The following PDZRN4 variants were observed in gnomAD, a reference collection of about 807,000 sequenced individuals.
PDZRN4 encodes the protein PDZ domain-containing RING finger protein 4.
PDZRN4 carries 70 observed loss-of-function variants against 99.0 expected under a neutral mutation model. The ratio of observed to expected loss-of-function variants is 0.71; its 90% CI spans 0.58 to 0.86. The LOEUF is 0.86. PDZRN4 is among the 40% of genes least tolerant of loss of function. PDZRN4 has a pLI of 0.00. For synonymous variants in PDZRN4, 551 were observed against 501.6 expected (o/e 1.10, Z -1.32); for missense variants, 1,474 against 1,331.2 (o/e 1.11, Z -1.67).
At chr12:41,494,340 CTTAAG>C (rs1477624042) in intron 3 of PDZRN4, among the ~76,000 whole-genome samples, 2 of 151,952 alleles carry the variant, frequency 1.3e-5, no homozygotes, top group African/African-American at 4.8e-5. Context: ...CAGCAAGTTG[CTTAAG>C]TTATTTAGTT....
At chr12:41,351,730 C>T (rs11180843) in intron 3 of PDZRN4, among the ~76,000 whole-genome samples, 64,496 of 151,838 alleles carry the variant, frequency 0.42, 16,118 homozygotes, top group Middle Eastern at 0.66. Context: ...CAATTTGACA[C>T]GAGATTTGGG....
At chr12:41,498,250 A>G (rs1938046130) in intron 3 of PDZRN4, among the ~76,000 whole-genome samples, 1 of 152,108 alleles carries the variant, frequency 6.6e-6, no homozygotes, top group African/African-American at 2.4e-5. Flanking sequence ...ACTTCTGGAC[A>G]TTCCTGCTCA....
In PDZRN4 at chr12:41,555,698, G is replaced by A; in HGVS notation, c.1303G>A (p.Val435Ile). 6.2e-7 allele frequency: 1 copy of A among 1,613,568 alleles called. No individual in the cohort carries two copies. Among genetic ancestry groups the A allele is most frequent in the South Asian group, 1.1e-5 (1 of 91,066 alleles). ...EEDTGIYVSE[V>I]DPNSIAAKDG... Reference sequence around the variant, plus strand: ...AAGATGTATGTCCTCTTCATTACAGGTTGACCCAAATAGCATTGCTGCCAA... The same window carrying A: ...AAGATGTATGTCCTCTTCATTACAGATTGACCCAAATAGCATTGCTGCCAA... The change falls in exon 7 of 10, where the codon GTT becomes ATT. Residue 435 changes from valine (V) to isoleucine (I), a missense_variant and splice_region_variant. Transcript: ENST00000402685.
intron 3 of PDZRN4, among the ~76,000 whole-genome samples, chr12:41,253,852 A>G (rs1951187003): frequency 2.0e-5 from 3 of 152,148 alleles, no homozygotes; most frequent in Admixed American, 2.0e-4. Context: ...ATGAAACTGG[A>G]GTCCATTTGC....
chr12:41,477,882 C>G, intron 3 of PDZRN4: 1 of 1,551,096 alleles, frequency 6.4e-7, no homozygotes, highest in South Asian at 1.2e-5. Flanking sequence ...ACAATTTTTC[C>G]TTAAACCTTT....
chr12:41,259,919 A>G (rs1410475007), intron 3 of PDZRN4, among the ~76,000 whole-genome samples: 1 of 152,162 alleles, frequency 6.6e-6, no homozygotes, highest in African/African-American at 2.4e-5. Flanking sequence ...TTTTTCATCT[A>G]TATTTCTGAT....
chr12:41,196,665 A>G (rs1454755193), intron 3 of PDZRN4, among the ~76,000 whole-genome samples: 1 of 152,040 alleles, frequency 6.6e-6, no homozygotes, highest in African/African-American at 2.4e-5. Flanking sequence ...CTATGTAATC[A>G]TTAAAGTTAG....
At chr12:41,294,252 C>A (rs1052734566) in intron 3 of PDZRN4, among the ~76,000 whole-genome samples, 1 of 152,160 alleles carries the variant, frequency 6.6e-6, no homozygotes, top group African/African-American at 2.4e-5. Flanking sequence ...GCCTTTAACA[C>A]CCTCGTTGTG....
intron 3 of PDZRN4, among the ~76,000 whole-genome samples, chr12:41,436,660 A>C (rs1952632161): frequency 6.6e-6 from 1 of 152,178 alleles, no homozygotes; most frequent in Admixed American, 6.5e-5. Context: ...ATTTTCTTTT[A>C]TTATCTGCTT....
intron 5 of PDZRN4, among the ~76,000 whole-genome samples, chr12:41,515,129 G>A (rs1466790883): frequency 2.0e-5 from 3 of 152,000 alleles, no homozygotes; most frequent in Non-Finnish European, 2.9e-5. Context: ...TTCAGAGATG[G>A]CTCTGTCCAT....
intron 3 of PDZRN4, among the ~76,000 whole-genome samples, chr12:41,327,758 G>T (rs2120985618): frequency 6.6e-6 from 1 of 152,172 alleles, no homozygotes; most frequent in Non-Finnish European, 1.5e-5. Flanking sequence ...ATTTAACTGG[G>T]ATATAAAATA....
At chr12:41,568,048 T>G (rs1939408856) in intron 9 of PDZRN4, 149 bp downstream of exon 9, 1 of 591,818 alleles carries the variant, frequency 1.7e-6, no homozygotes, top group African/African-American at 1.9e-5. Context: ...TCATCTCAAA[T>G]GAAGCAGAGG....
intron 3 of PDZRN4, among the ~76,000 whole-genome samples, chr12:41,274,788 C>A (rs1188135164): frequency 1.3e-5 from 2 of 152,110 alleles, no homozygotes; most frequent in African/African-American, 4.8e-5. Flanking sequence ...GAAGTATACA[C>A]CCTTGAAATA....
intron 3 of PDZRN4, among the ~76,000 whole-genome samples, chr12:41,454,092 A>G (rs1191549992): frequency 6.6e-6 from 1 of 151,630 alleles, no homozygotes; most frequent in Non-Finnish European, 1.5e-5. Flanking sequence ...GCTCTGTGAT[A>G]GCCAATAATT....
At chr12:41,383,789 C>T (rs895072924) in intron 3 of PDZRN4, among the ~76,000 whole-genome samples, 45 of 152,168 alleles carry the variant, frequency 3.0e-4, no homozygotes, top group African/African-American at 9.2e-4. Flanking sequence ...AATGCAGACA[C>T]CAGAATGTTA....
intron 3 of PDZRN4, among the ~76,000 whole-genome samples, chr12:41,338,138 TTTC>T (rs1334977730): frequency 1.3e-5 from 2 of 152,220 alleles, no homozygotes; most frequent in Non-Finnish European, 2.9e-5. Context: ...GAAGGAACAT[TTTC>T]TGTATCTTGT....
intron 3 of PDZRN4, among the ~76,000 whole-genome samples, chr12:41,344,768 T>C (rs1039743312): frequency 4.0e-5 from 6 of 148,590 alleles, no homozygotes; most frequent in Non-Finnish European, 8.9e-5. Context: ...ATATATGATA[T>C]ACATAATATA....
chr12:41,508,399 A>G (rs562804440), intron 4 of PDZRN4, among the ~76,000 whole-genome samples: 1 of 152,262 alleles, frequency 6.6e-6, no homozygotes, highest in South Asian at 2.1e-4. Context: ...ATTGCACTGT[A>G]TTAAAATTCC....
chr12:41,440,875 C>A (rs545018913), intron 3 of PDZRN4, among the ~76,000 whole-genome samples: 1 of 152,230 alleles, frequency 6.6e-6, no homozygotes, highest in South Asian at 2.1e-4. Flanking sequence ...CAATGTCCTT[C>A]TATTGACACA....
Sources: allele counts gnomAD v4.1 joint callset (sites outside exome capture counted in the v4.1 genomes callset), GRCh38; gene constraint gnomAD v4.1.1; transcripts MANE v1.5; gene names NCBI Gene and HGNC (gene_info 2026-07-23, HGNC 2026-07-21).